Variants in MRE11 observed in about 807,000 individuals in gnomAD.
MRE11 encodes double-strand break repair protein MRE11.
Under a neutral mutation model 91.7 loss-of-function variants are expected in MRE11, and 62 were observed. The observed-to-expected ratio is 0.68, with a 90% CI of 0.55 to 0.84. The LOEUF (loss-of-function observed/expected upper bound fraction) is 0.84. Among genes scored for constraint, MRE11 ranks in the 40% least tolerant of loss-of-function variants. The pLI, the probability that MRE11 is intolerant of heterozygous loss-of-function variation, is 0.00. For missense variants in MRE11, 796 were observed against 852.9 expected, an observed-to-expected ratio of 0.93 and a Z score of 0.83; for synonymous variants, 273 against 271.4, an observed-to-expected ratio of 1.01 and a Z score of -0.06.
Position 94,416,426 on chromosome 11 carries a change from G to A in MRE11, c.*3699C>T, listed in dbSNP as rs962900118. Reference sequence around the variant, plus strand: ...AAGTTCAAAAGTACTAAAAGAAAATGAAACAGGCAAATGATGAAATGTGGA... The same window carrying A: ...AAGTTCAAAAGTACTAAAAGAAAATAAAACAGGCAAATGATGAAATGTGGA... On this transcript the variant is annotated 3_prime_UTR_variant, in exon 20 of 20. Coordinates refer to ENST00000323929, the MANE Select transcript of MRE11 (RefSeq NM_005591.4). 6.6e-6 allele frequency: 1 copy of A among 152,090 alleles called. No homozygotes were observed. Among genetic ancestry groups the A allele is most frequent in the African/African-American group, 2.4e-5 (1 of 41,420 alleles). 9.4% of individuals were successfully genotyped at this position (152,090 alleles called of 1,614,324 possible).
At chr11:94,505,849 C>T in the MRE11 span, among the ~76,000 whole-genome samples, 1 of 152,114 alleles carries the variant, frequency 6.6e-6, no homozygotes, top group African/African-American at 2.4e-5. Flanking sequence ...ATATTTTTAC[C>T]GTACCGTCTC....
intron 18 of MRE11, among the ~76,000 whole-genome samples, chr11:94,435,535 G>A (rs538780128): frequency 1.1e-3 from 170 of 152,122 alleles, no homozygotes; most frequent in African/African-American, 3.9e-3. Flanking sequence ...CAGTCTAGGC[G>A]ACAGAATGAG....
chr11:94,431,192 A>C (rs1945454486), intron 18 of MRE11, among the ~76,000 whole-genome samples: 2 of 152,248 alleles, frequency 1.3e-5, no homozygotes, highest in Admixed American at 1.3e-4. Flanking sequence ...CTTATGTCAG[A>C]AGTAAATAGA....
rs558372094 is a variant in MRE11, at chr11:94,454,326, G to A, written c.1563+1950C>T. On this transcript the variant is annotated intron_variant, in intron 14 of 19. Coordinates refer to ENST00000323929, the MANE Select transcript of MRE11 (RefSeq NM_005591.4). ...TGAGCTCAAGAGATCCACCTGCCTC[G>A]GCCTCCCAAAGTGCTGAAATTACAG... Among the ~76,000 whole-genome samples, 151 of 152,060 alleles carry A rather than the reference G, an allele frequency of 9.9e-4. 1 individual carries two copies. The highest frequency in any genetic ancestry group is 1.2e-3 in the Non-Finnish European group (83 of 67,982).
In MRE11 at chr11:94,420,179, A is replaced by T. The variant is rs1446548474; in HGVS notation, c.2073T>A (p.Asp691Glu). ...TGTTCATAAAAGGATCATCATCATC[A>T]TCCTGAAATGAGATACAAATGTTGT... is the stretch of plus-strand genomic sequence containing the variant. ...SKGVDFESSEDDDDDPFMNTS... is the reference protein window; with the variant it reads ...SKGVDFESSEEDDDDPFMNTS... Residue 691 changes from aspartate (D) to glutamate (E), a missense_variant and splice_region_variant, in exon 20 of 20, where the codon GAT (aspartate) becomes GAA (glutamate). Transcript: ENST00000323929. The T allele has an allele frequency of 6.3e-7, 1 of 1,585,618 alleles. No individual in the cohort carries two copies. Among genetic ancestry groups the T allele is most frequent in the Admixed American group, 1.7e-5 (1 of 59,866 alleles).
chr11:94,452,191 T>C (rs1201492979), intron 14 of MRE11, among the ~76,000 whole-genome samples: 5 of 127,064 alleles, frequency 3.9e-5, no homozygotes, highest in African/African-American at 1.2e-4. Context: ...AGTGAGACTT[T>C]GCCTCAAAAA....
intron 14 of MRE11, among the ~76,000 whole-genome samples, chr11:94,452,334 A>T (rs1946132387): frequency 6.6e-6 from 1 of 152,166 alleles, no homozygotes; most frequent in Non-Finnish European, 1.5e-5. Context: ...AGTAAAAAAA[A>T]GTAGTATGAA....
intron 19 of MRE11, among the ~76,000 whole-genome samples, chr11:94,423,160 G>C (rs1430576592): frequency 6.6e-6 from 1 of 152,196 alleles, no homozygotes; most frequent in Non-Finnish European, 1.5e-5. Context: ...AAAGCACCAA[G>C]AGCTGATAGA....
Position 94,476,402 on chromosome 11 carries a change from T to C in MRE11, c.546A>G (p.Gly182=). 6.4e-7 allele frequency: 1 copy of C among 1,571,898 alleles called. No homozygotes were observed. Among genetic ancestry groups the C allele is most frequent in the African/African-American group, 1.3e-5 (1 of 74,228 alleles). Residue 182 remains glycine (G), a splice_region_variant and synonymous_variant, in exon 7 of 20, where the codon GGA becomes GGG. Transcript: ENST00000323929. The part of the protein sequence containing the change: ...GSTKIALYGL[G]SIPDERLYRM... ...GATAGAGCCTTTCATCTGGAATGGA[T>C]CCTGAAATGGACATTACATTATTTT...
rs1945085180 is a variant in MRE11, at chr11:94,418,627, C to T, written c.*1498G>A. 1 of 232,356 alleles carries T rather than the reference C, an allele frequency of 4.3e-6. No homozygotes were observed. Among genetic ancestry groups the T allele is most frequent in the Non-Finnish European group, 8.5e-6 (1 of 117,602 alleles). The allele number at this position is 232,356 out of a possible 1,614,324, so 14.4% of individuals were successfully genotyped here. ...TTCCATTACATCATGGACAGCACTG[C>T]TCTTCCCTGACTTAACCTTCTGCTT... On this transcript the variant is annotated 3_prime_UTR_variant, in exon 20 of 20. Transcript: ENST00000323929.
At position 94,419,948 on chromosome 11, in the gene MRE11, C is replaced by T. The variant is rs972608271; in HGVS notation, c.*177G>A. 1 of 498,252 alleles carries T rather than the reference C, an allele frequency of 2.0e-6. No homozygotes were observed. Among genetic ancestry groups the T allele is most frequent in the Admixed American group, 3.5e-5 (1 of 28,730 alleles). 30.9% of individuals were successfully genotyped at this position (498,252 alleles called of 1,614,324 possible). On this transcript the variant is annotated 3_prime_UTR_variant, in exon 20 of 20. Coordinates refer to ENST00000323929, the MANE Select transcript of MRE11 (RefSeq NM_005591.4). ...TATTGAAACAAAGCTCTTACTACAA[C>T]AACCAGGTTAAAAAAACAAGGTGAA...
intron 11 of MRE11, among the ~76,000 whole-genome samples, chr11:94,461,779 C>T (rs1187016532): frequency 1.7e-4 from 26 of 152,278 alleles, no homozygotes; most frequent in Admixed American, 1.6e-3. Flanking sequence ...TCTCAGGATA[C>T]AAAATCAATG....
rs548187841 is a variant in MRE11 at position 94,430,691 on chromosome 11, T to C, written c.1995-705A>G. 2.0e-5 allele frequency among the ~76,000 whole-genome samples: 3 copies of C among 152,132 alleles called. No homozygotes were observed. In the South Asian group the frequency reaches 6.2e-4, roughly 32 times the overall value. On this transcript the variant is annotated intron_variant, in intron 18 of 19. Coordinates refer to ENST00000323929, the MANE Select transcript of MRE11 (RefSeq NM_005591.4). Reference sequence around the variant, plus strand: ...TGGCCAGGATGGTCTCTATCTCCTCTATCTCTTGACCTCGTGATCCGCCCA... The same window carrying C: ...TGGCCAGGATGGTCTCTATCTCCTCCATCTCTTGACCTCGTGATCCGCCCA...
chr11:94,484,314 T>C (rs997012353), intron 4 of MRE11, among the ~76,000 whole-genome samples: 1 of 152,174 alleles, frequency 6.6e-6, no homozygotes, highest in African/African-American at 2.4e-5. Flanking sequence ...GTAGAAAGAA[T>C]ATAGGAAATG....
intron 18 of MRE11, among the ~76,000 whole-genome samples, chr11:94,433,191 T>C (rs146073360): frequency 2.3e-3 from 358 of 152,352 alleles, no homozygotes; most frequent in African/African-American, 7.4e-3. Flanking sequence ...CCATCGTCTC[T>C]CTTAGCTCAG....
At chr11:94,464,075 A>G (rs1946493450) in intron 11 of MRE11, 38 bp downstream of exon 11, 4 of 1,598,618 alleles carry the variant, frequency 2.5e-6, no homozygotes, top group East Asian at 2.2e-5. Flanking sequence ...CAAATCCTAT[A>G]AGAACATTTT....
intron 3 of MRE11, among the ~76,000 whole-genome samples, chr11:94,489,582 C>CAA (rs10667259): frequency 0.52 from 78,334 of 151,620 alleles, 20,871 homozygotes; most frequent in African/African-American, 0.65. Flanking sequence ...GAAATGTGAT[C>CAA]GTTTTGGACT....
chr11:94,481,187 T>TA lies in MRE11; in HGVS notation c.315-1427dup, dbSNP rs1565235626. Among the ~76,000 whole-genome samples the TA allele has an allele frequency of 1.1e-4, 17 of 152,214 alleles. No homozygotes were observed. In the South Asian group the frequency reaches 3.5e-3, roughly 32 times the overall value. On this transcript the variant is annotated intron_variant, in intron 4 of 19. Coordinates refer to ENST00000323929, the MANE Select transcript of MRE11 (RefSeq NM_005591.4). ...AGCCGTGCATGGTGGCACATGCCTGTAGTCCCAGCTACTTGGGAGACTGAG... is the reference window on the plus strand; with the variant it reads ...AGCCGTGCATGGTGGCACATGCCTGTAAGTCCCAGCTACTTGGGAGACTGAG...
At chr11:94,440,820 G>A (rs572033074) in intron 16 of MRE11, among the ~76,000 whole-genome samples, 34 of 152,170 alleles carry the variant, frequency 2.2e-4, no homozygotes, top group African/African-American at 7.5e-4. Context: ...CTTTAGAAAT[G>A]CAACTATAGT....
Sources: gnomAD v4.1 joint callset for allele counts (sites outside exome capture counted in the v4.1 genomes callset) on GRCh38, gnomAD v4.1.1 for gene constraint, MANE v1.5 for transcripts, NCBI Gene and HGNC (gene_info 2026-07-23, HGNC 2026-07-21) for gene names.